The following DPF3 variants were observed in gnomAD, a reference collection of about 807,000 sequenced individuals.
The protein encoded by DPF3 is zinc finger protein DPF3.
Under a neutral mutation model 56.8 loss-of-function variants are expected in DPF3, and 18 were observed. The ratio of observed to expected loss-of-function variants is 0.32; its 90% CI spans 0.22 to 0.47. The LOEUF (loss-of-function observed/expected upper bound fraction) is 0.47, where lower values mean the gene tolerates loss of function less well. DPF3 is among the 20% of genes least tolerant of loss of function. The pLI, the probability that DPF3 is intolerant of heterozygous loss-of-function variation, is 1.00. For synonymous variants in DPF3, 188 were observed against 180.2 expected (o/e 1.04, Z -0.35); for missense variants, 403 against 488.8 (o/e 0.82, Z 1.65).
chr14:72,751,947 G>A (rs1368857908), intron 3 of DPF3, among the ~76,000 whole-genome samples: 2 of 152,194 alleles, frequency 1.3e-5, no homozygotes, highest in Admixed American at 6.5e-5. Flanking sequence ...TAAGGACACT[G>A]GAGACTTGGG....
chr14:72,747,085 C>G (rs1260212186), intron 3 of DPF3, among the ~76,000 whole-genome samples: 1 of 152,218 alleles, frequency 6.6e-6, no homozygotes, highest in African/African-American at 2.4e-5. Context: ...ACATGGGCTC[C>G]TCAGATACAT....
intron 1 of DPF3, among the ~76,000 whole-genome samples, chr14:72,806,623 T>C (rs1882795302): frequency 6.6e-6 from 1 of 152,214 alleles, no homozygotes; most frequent in South Asian, 2.1e-4. Flanking sequence ...CGAAAGAACC[T>C]ATTCTTGCAA....
At chr14:72,731,758 C>T (rs374366029) in intron 4 of DPF3, 49 bp downstream of exon 4, 2 of 1,609,926 alleles carry the variant, frequency 1.2e-6, no homozygotes, top group South Asian at 2.2e-5. Flanking sequence ...TCTGGAAGCG[C>T]TATGGTGACA....
At chr14:72,663,999 A>T (rs1318684282) in intron 8 of DPF3, among the ~76,000 whole-genome samples, 1 of 151,524 alleles carries the variant, frequency 6.6e-6, no homozygotes, top group Non-Finnish European at 1.5e-5. Context: ...CCTTGCCTCT[A>T]CCCCATCCCA....
rs3058950 is a variant in DPF3, at chr14:72,828,537, T to TA, written c.33-56645dup. ...TGGGCAACAAAGTGAGACCATGTCT[T>TA]AAAAAAAAAAAAAAACTTAATATGA... On this transcript the variant is annotated intron_variant, in intron 1 of 10. Coordinates refer to ENST00000556509, the MANE Select transcript of DPF3 (RefSeq NM_001280542.3). Among the ~76,000 whole-genome samples, 101 of 86,984 alleles carry TA rather than the reference T, an allele frequency of 1.2e-3. 7 individuals carry two copies. Among genetic ancestry groups the TA allele is most frequent in the Non-Finnish European group, 1.6e-3 (73 of 45,732 alleles). The allele number at this position is 86,984 out of a possible 152,430, so 57.1% of individuals were successfully genotyped here.
chr14:72,760,198 C>T (rs758854934), intron 2 of DPF3, among the ~76,000 whole-genome samples: 13 of 152,140 alleles, frequency 8.5e-5, no homozygotes, highest in Non-Finnish European at 1.6e-4. Context: ...TGGCCGGGCG[C>T]GGTGGCTCAT....
At chr14:72,845,502 G>T (rs1398066191) in intron 1 of DPF3, among the ~76,000 whole-genome samples, 2 of 152,154 alleles carry the variant, frequency 1.3e-5, no homozygotes, top group Admixed American at 6.5e-5. Flanking sequence ...CTCTCCACAG[G>T]CACAGGTGAG....
chr14:72,669,290 T>G (rs1886568608), intron 8 of DPF3, among the ~76,000 whole-genome samples: 1 of 152,176 alleles, frequency 6.6e-6, no homozygotes, highest in South Asian at 2.1e-4. Flanking sequence ...GAGACACTGA[T>G]AAGCAGTCTG....
chr14:72,760,820 T>G (rs1165513690), intron 2 of DPF3, among the ~76,000 whole-genome samples: 1 of 152,084 alleles, frequency 6.6e-6, no homozygotes, highest in Non-Finnish European at 1.5e-5. Flanking sequence ...CACAACTATA[T>G]GCTGCCTATT....
At chr14:72,882,574 A>G (rs1488047030) in intron 1 of DPF3, among the ~76,000 whole-genome samples, 1 of 152,210 alleles carries the variant, frequency 6.6e-6, no homozygotes, top group Non-Finnish European at 1.5e-5. Flanking sequence ...TTGGATATGC[A>G]TTTTAATTAG....
chr14:72,821,514 T>C (rs1055632462), intron 1 of DPF3, among the ~76,000 whole-genome samples: 2 of 149,976 alleles, frequency 1.3e-5, no homozygotes, highest in African/African-American at 4.9e-5. Flanking sequence ...AACGCTGGCA[T>C]CAATATGATG....
At chr14:72,645,320 G>A (rs1015763102) in intron 8 of DPF3, among the ~76,000 whole-genome samples, 1 of 150,876 alleles carries the variant, frequency 6.6e-6, no homozygotes, top group Non-Finnish European at 1.5e-5. Context: ...TCAGAGATAG[G>A]GTTTCACTCT....
intron 3 of DPF3, among the ~76,000 whole-genome samples, chr14:72,737,758 C>T (rs1889952618): frequency 6.6e-6 from 1 of 152,126 alleles, no homozygotes; most frequent in Admixed American, 6.5e-5. Flanking sequence ...GTGAAACACC[C>T]CGACAAGGCG....
At chr14:72,841,568 T>G (rs1884543298) in intron 1 of DPF3, among the ~76,000 whole-genome samples, 1 of 152,128 alleles carries the variant, frequency 6.6e-6, no homozygotes, top group Admixed American at 6.5e-5. Flanking sequence ...TAGTGATTTA[T>G]TTGGTCTATT....
intron 8 of DPF3, among the ~76,000 whole-genome samples, chr14:72,638,736 C>T (rs1885457041): frequency 6.6e-6 from 1 of 151,990 alleles, no homozygotes; most frequent in Non-Finnish European, 1.5e-5. Flanking sequence ...TCCTTTTCTA[C>T]GTGAGCCTGG....
At chr14:72,782,217 A>G (rs1892004972) in intron 1 of DPF3, among the ~76,000 whole-genome samples, 1 of 126,002 alleles carries the variant, frequency 7.9e-6, no homozygotes. Context: ...TCTATACAGC[A>G]GCCCAAGTGA....
At chr14:72,677,275 T>G (rs761012825) in intron 7 of DPF3, among the ~76,000 whole-genome samples, 1 of 152,216 alleles carries the variant, frequency 6.6e-6, no homozygotes, top group Non-Finnish European at 1.5e-5. Flanking sequence ...TGCTTCAGTT[T>G]CTACTCTTTC....
chr14:72,863,302 G>T (rs186262837), intron 1 of DPF3, among the ~76,000 whole-genome samples: 3 of 151,248 alleles, frequency 2.0e-5, no homozygotes, highest in African/African-American at 4.9e-5. Context: ...TCTCCTCCCC[G>T]GCCCAAAGCT....
chr14:72,620,364 T>G (rs771694246), intron 9 of DPF3, among the ~76,000 whole-genome samples: 3 of 152,244 alleles, frequency 2.0e-5, no homozygotes, highest in Non-Finnish European at 4.4e-5. Context: ...ACTTTATATA[T>G]TTGAAGATCT....
Sources: allele counts gnomAD v4.1 joint callset (sites outside exome capture counted in the v4.1 genomes callset), GRCh38; gene constraint gnomAD v4.1.1; transcripts MANE v1.5; gene names NCBI Gene and HGNC (gene_info 2026-07-23, HGNC 2026-07-21).